The following SORCS2 variants were observed in gnomAD, a reference collection of about 807,000 sequenced individuals.
SORCS2 encodes sortilin related VPS10 domain containing receptor 2, also known as VPS10 domain-containing receptor SorCS2.
A neutral mutation model predicts 141.6 loss-of-function variants in SORCS2; 100 were observed. The observed-to-expected ratio is 0.71, with a 90% confidence interval of 0.60 to 0.83. The LOEUF (loss-of-function observed/expected upper bound fraction) is 0.83. SORCS2 is among the 40% of genes least tolerant of loss of function. The pLI, the probability that SORCS2 is intolerant of heterozygous loss-of-function variation, is 0.00. For missense variants in SORCS2, 1,646 were observed against 1,560.2 expected (o/e 1.05, Z -0.93); for synonymous variants, 789 against 676.9 (o/e 1.17, Z -2.57).
At position 7,664,544 on chromosome 4, in the gene SORCS2, G is replaced by T. The variant is rs1248877765; in HGVS notation, c.1071+73G>T. ...CGGATGACCCGTTCGCGGCAAAAAT[G>T]GCATCGCTCAGAAAAGAGGCAATAA... On this transcript the variant is annotated intron_variant, in intron 7 of 26. Coordinates refer to ENST00000507866, the MANE Select transcript of SORCS2 (RefSeq NM_020777.3). The surrounding 1 kb of genome is among the most constrained non-coding windows in gnomAD (Gnocchi z 4.7). The T allele has an allele frequency of 2.8e-6, 3 of 1,086,716 alleles. No homozygotes were observed. The highest frequency in any genetic ancestry group is 4.0e-6 in the Non-Finnish European group (3 of 742,328). 67.3% of individuals were successfully genotyped at this position (1,086,716 alleles called of 1,614,324 possible). A position where few individuals can be genotyped will look rare whatever the true frequency, so the allele number is the denominator to read the frequency against.
intron 1 of SORCS2, among the ~76,000 whole-genome samples, chr4:7,254,833 T>A (rs1164820294): frequency 6.6e-6 from 1 of 151,692 alleles, no homozygotes; most frequent in African/African-American, 2.4e-5. Context: ...GAGAGCAGAG[T>A]CTCTCACATC....
At chr4:7,707,205 C>T (rs1239964936) in intron 14 of SORCS2, among the ~76,000 whole-genome samples, 2 of 152,168 alleles carry the variant, frequency 1.3e-5, no homozygotes, top group Non-Finnish European at 2.9e-5. Context: ...TATTATGTGC[C>T]AGGTGCTGTT....
intron 1 of SORCS2, among the ~76,000 whole-genome samples, chr4:7,302,136 G>A (rs933292944): frequency 6.6e-6 from 1 of 152,188 alleles, no homozygotes; most frequent in Non-Finnish European, 1.5e-5. Flanking sequence ...CTTGTCTCTG[G>A]TCTCATCCGT....
chr4:7,227,891 G>A (rs1241162022), intron 1 of SORCS2, among the ~76,000 whole-genome samples: 1 of 152,136 alleles, frequency 6.6e-6, no homozygotes, highest in Non-Finnish European at 1.5e-5. Context: ...GTGGGCTCAG[G>A]GTGCCGGGGA....
At chr4:7,364,229 C>T (rs566377426) in intron 1 of SORCS2, among the ~76,000 whole-genome samples, 2 of 152,332 alleles carry the variant, frequency 1.3e-5, no homozygotes, top group Admixed American at 1.3e-4. Context: ...GTCTTGTTGG[C>T]AGTAGGTACC....
chr4:7,206,760 A>G (rs10009143), intron 1 of SORCS2, among the ~76,000 whole-genome samples: 4,201 of 152,136 alleles, frequency 0.028, 202 homozygotes, highest in African/African-American at 0.095. Context: ...GTGAGAAAAC[A>G]CCCATTCCCA....
chr4:7,599,116 C>A (rs1485858790), intron 3 of SORCS2, among the ~76,000 whole-genome samples: 4 of 152,164 alleles, frequency 2.6e-5, no homozygotes, highest in Non-Finnish European at 4.4e-5. Context: ...CAAGAGGGAA[C>A]AAGTCCTTCC....
chr4:7,250,277 G>A (rs990762347), intron 1 of SORCS2, among the ~76,000 whole-genome samples: 6 of 140,866 alleles, frequency 4.3e-5, no homozygotes, highest in African/African-American at 1.4e-4. Context: ...GAAAGAAGGT[G>A]AAGGCCTGCT....
chr4:7,386,436 TAC>T (rs777394024), intron 1 of SORCS2, among the ~76,000 whole-genome samples: 1 of 86,590 alleles, frequency 1.2e-5, no homozygotes, highest in Non-Finnish European at 2.3e-5. Context: ...CACATACAGG[TAC>T]ACAGAGATAC....
At chr4:7,224,161 C>T (rs1219402053) in intron 1 of SORCS2, among the ~76,000 whole-genome samples, 1 of 152,154 alleles carries the variant, frequency 6.6e-6, no homozygotes, top group Non-Finnish European at 1.5e-5. Flanking sequence ...TGGGAAGTCT[C>T]CAGGAAGCTT....
chr4:7,584,348 G>A (rs995664867), intron 3 of SORCS2, among the ~76,000 whole-genome samples: 9 of 152,178 alleles, frequency 5.9e-5, no homozygotes, highest in Non-Finnish European at 1.3e-4. Context: ...TTGGGTCTGT[G>A]CCCAGTACTG....
intron 3 of SORCS2, among the ~76,000 whole-genome samples, chr4:7,539,637 C>T (rs1256150458): frequency 6.6e-6 from 1 of 152,080 alleles, no homozygotes; most frequent in African/African-American, 2.4e-5. Context: ...CTCTGAACCC[C>T]TGCCTTCAGC....
chr4:7,236,899 C>T (rs539696077), intron 1 of SORCS2, among the ~76,000 whole-genome samples: 3 of 152,338 alleles, frequency 2.0e-5, no homozygotes, highest in East Asian at 3.9e-4. Context: ...TGTTTTAATG[C>T]TGTCTCATCT....
chr4:7,261,816 A>C (rs28368871), intron 1 of SORCS2, among the ~76,000 whole-genome samples: 34,185 of 152,144 alleles, frequency 0.22, 5,948 homozygotes, highest in African/African-American at 0.48. Context: ...TTGCCTGGGG[A>C]AGGGGCCCTG....
chr4:7,571,975 AGGCTCCATCCTG>A (rs1715431027), intron 3 of SORCS2, among the ~76,000 whole-genome samples: 1 of 152,144 alleles, frequency 6.6e-6, no homozygotes, highest in South Asian at 2.1e-4. Context: ...TCCAGGCACC[AGGCTCCATCCTG>A]GGCCTGCAGG....
At chr4:7,585,990 T>C (rs1227495699) in intron 3 of SORCS2, among the ~76,000 whole-genome samples, 2 of 152,234 alleles carry the variant, frequency 1.3e-5, no homozygotes, top group East Asian at 3.8e-4. Flanking sequence ...TCCTTCTAGT[T>C]AAATATTTTC....
chr4:7,220,497 A>G (rs766415020), intron 1 of SORCS2, among the ~76,000 whole-genome samples: 1 of 152,150 alleles, frequency 6.6e-6, no homozygotes, highest in Non-Finnish European at 1.5e-5. Context: ...CCTGATGCCA[A>G]GCAGGGCCAG....
chr4:7,334,331 C>T (rs1216718504), intron 1 of SORCS2, among the ~76,000 whole-genome samples: 2 of 152,116 alleles, frequency 1.3e-5, no homozygotes, highest in African/African-American at 2.4e-5. Flanking sequence ...TCACCTGGCA[C>T]CTGGCGCTCC....
Position 7,633,785 on chromosome 4 carries a change from C to CACTTTGGGAGGCCAAGGCGGTTGGATCA in SORCS2, c.649-4543_649-4542insACTTTGGGAGGCCAAGGCGGTTGGATCA, listed in dbSNP as rs146399499. On this transcript the variant is annotated intron_variant, in intron 3 of 26. Coordinates refer to ENST00000507866, the MANE Select transcript of SORCS2 (RefSeq NM_020777.3). ...TCATTCACTCATTCCTGCATGCGCTCCTTCATGTGTCCGTCAGGCGGGATT... is the reference window on the plus strand; with the variant it reads ...TCATTCACTCATTCCTGCATGCGCTCACTTTGGGAGGCCAAGGCGGTTGGATCACTTCATGTGTCCGTCAGGCGGGATT... Among the ~76,000 whole-genome samples, 13 of 124,608 alleles carry CACTTTGGGAGGCCAAGGCGGTTGGATCA rather than the reference C, an allele frequency of 1.0e-4. 2 individuals are homozygous for CACTTTGGGAGGCCAAGGCGGTTGGATCA. Among genetic ancestry groups the CACTTTGGGAGGCCAAGGCGGTTGGATCA allele is most frequent in the South Asian group, 2.8e-4 (1 of 3,514 alleles). The allele number at this position is 124,608 out of a possible 152,430, so 81.7% of individuals were successfully genotyped here.
Sources: allele counts gnomAD v4.1 joint callset (sites outside exome capture counted in the v4.1 genomes callset), GRCh38; gene constraint gnomAD v4.1.1; non-coding constraint Gnocchi (gnomAD v3.1); transcripts MANE v1.5; gene names NCBI Gene and HGNC (gene_info 2026-07-23, HGNC 2026-07-21).